The following GABRB3 variants were observed in gnomAD, a reference collection of about 807,000 sequenced individuals.
GABRB3 encodes gamma-aminobutyric acid type A receptor subunit beta3, also known as gamma-aminobutyric acid receptor subunit beta-3.
Under a neutral mutation model 52.1 loss-of-function variants are expected in GABRB3, and 14 were observed. The ratio of observed to expected loss-of-function variants is 0.27; its 90% CI spans 0.18 to 0.42. The LOEUF is 0.42. Among genes scored for constraint, GABRB3 ranks in the 10% least tolerant of loss-of-function variants. GABRB3 has a pLI of 1.00. For missense variants in GABRB3, 307 were observed against 609.1 expected (o/e 0.50, Z 5.22); for synonymous variants, 260 against 232.3 (o/e 1.12, Z -1.08).
At chr15:26,606,608 C>T (rs1363931832) in intron 4 of GABRB3, among the ~76,000 whole-genome samples, 1 of 151,964 alleles carries the variant, frequency 6.6e-6, no homozygotes, top group East Asian at 1.9e-4. Flanking sequence ...GCTATGCCTA[C>T]TTTTACCACT....
intron 6 of GABRB3, among the ~76,000 whole-genome samples, chr15:26,574,672 T>C (rs935011944): frequency 3.3e-5 from 5 of 152,148 alleles, no homozygotes; most frequent in Admixed American, 2.0e-4. Flanking sequence ...TCCACTGATA[T>C]GAAATGTACT....
intron 4 of GABRB3, chr15:26,615,384 G>A (rs1892217606): frequency 1.0e-6 from 1 of 985,596 alleles, no homozygotes; most frequent in Non-Finnish European, 1.2e-6. Flanking sequence ...AGCTGGTGCA[G>A]GGATCTCAGT....
chr15:26,648,758 G>A (rs1251477635), intron 3 of GABRB3, among the ~76,000 whole-genome samples: 1 of 152,236 alleles, frequency 6.6e-6, no homozygotes, highest in Non-Finnish European at 1.5e-5. Context: ...AGCAGGGCGA[G>A]GCAGGAGACA....
chr15:26,567,858 C>T (rs1490539463), intron 6 of GABRB3, 125 bp from the exon 7 acceptor site: 6 of 893,992 alleles, frequency 6.7e-6, no homozygotes, highest in Non-Finnish European at 1.1e-5. Flanking sequence ...TGACCCACCA[C>T]CAAGCAGTTT....
At chr15:26,556,901 G>A (rs1889773614) in intron 8 of GABRB3, among the ~76,000 whole-genome samples, 1 of 151,952 alleles carries the variant, frequency 6.6e-6, no homozygotes, top group African/African-American at 2.4e-5. Flanking sequence ...AGTCCCTGCT[G>A]TGGAGCCAGC....
chr15:26,543,564 T>G lies in GABRB3; in HGVS notation c.*4229A>C, dbSNP rs1213416131. ...CTTCACATTTAGGTCAGTTACTCCT[T>G]TTTTAATAAATTTGAATTCATTCAT... On this transcript the variant is annotated 3_prime_UTR_variant, in exon 9 of 9. Coordinates refer to ENST00000311550, the MANE Select transcript of GABRB3 (RefSeq NM_000814.6). 6.6e-6 allele frequency: 1 copy of G among 152,638 alleles called. No homozygotes were observed. Among genetic ancestry groups the G allele is most frequent in the Non-Finnish European group, 1.5e-5 (1 of 68,034 alleles). 9.5% of individuals were successfully genotyped at this position (152,638 alleles called of 1,614,324 possible).
intron 3 of GABRB3, among the ~76,000 whole-genome samples, chr15:26,734,116 G>A (rs1483425137): frequency 4.5e-5 from 6 of 133,072 alleles, no homozygotes; most frequent in Non-Finnish European, 7.7e-5. Context: ...CACAACCTCC[G>A]CCTCCTGGGT....
intron 3 of GABRB3, among the ~76,000 whole-genome samples, chr15:26,691,822 T>C (rs1372103682): frequency 1.3e-5 from 2 of 152,190 alleles, no homozygotes; most frequent in African/African-American, 4.8e-5. Context: ...CTCAATAATC[T>C]GCCCCACAAC....
intron 3 of GABRB3, among the ~76,000 whole-genome samples, chr15:26,735,999 T>A (rs1218599248): frequency 2.0e-5 from 3 of 146,900 alleles, no homozygotes; most frequent in African/African-American, 7.6e-5. Context: ...ATATCCTATA[T>A]AATTCCATTT....
intron 6 of GABRB3, among the ~76,000 whole-genome samples, chr15:26,579,674 G>A (rs1176883284): frequency 1.3e-5 from 2 of 152,202 alleles, no homozygotes; most frequent in African/African-American, 2.4e-5. Flanking sequence ...AGTAAGCACA[G>A]TCAGCACTGC....
At chr15:26,758,571 G>A (rs910800000) in intron 3 of GABRB3, among the ~76,000 whole-genome samples, 1 of 152,114 alleles carries the variant, frequency 6.6e-6, no homozygotes, top group Non-Finnish European at 1.5e-5. Context: ...GAGAACCAGT[G>A]CAGGACAATC....
intron 3 of GABRB3, among the ~76,000 whole-genome samples, chr15:26,765,734 C>T (rs1486412679): frequency 6.6e-6 from 1 of 152,148 alleles, no homozygotes; most frequent in East Asian, 1.9e-4. Context: ...CAAACAACCA[C>T]ACCCAAAGAA....
Position 26,571,829 on chromosome 15 carries a change from C to G in GABRB3, c.683-4096G>C, listed in dbSNP as rs146634511. On this transcript the variant is annotated intron_variant, in intron 6 of 8. Transcript: ENST00000311550. ...CTTTGGGAAGTCAAGGCAGGTGAATCGCGAGGTCAAGAGATCGAGACCATC... is the reference window on the plus strand; with the variant it reads ...CTTTGGGAAGTCAAGGCAGGTGAATGGCGAGGTCAAGAGATCGAGACCATC... Among the ~76,000 whole-genome samples, 268 of 152,116 alleles carry G rather than the reference C, an allele frequency of 1.8e-3. 1 individual carries two copies. Among genetic ancestry groups the G allele is most frequent in the African/African-American group, 6.3e-3 (260 of 41,512 alleles).
chr15:26,577,007 T>C (rs1418796733), intron 6 of GABRB3, among the ~76,000 whole-genome samples: 2 of 152,128 alleles, frequency 1.3e-5, no homozygotes, highest in Non-Finnish European at 2.9e-5. Context: ...CAAAAGAGCA[T>C]TTCCAGCATG....
chr15:26,560,972 G>T lies in GABRB3; in HGVS notation c.1040C>A (p.Ala347Asp). 1 of 1,614,082 alleles carries T rather than the reference G, an allele frequency of 6.2e-7. No homozygotes were observed. The highest frequency in any genetic ancestry group is 1.7e-5 in the Admixed American group (1 of 60,024). ...QRQKKLAEKT[A>D]KAKNDRSKSE... is the part of the protein sequence containing the mutation. ...CTTTGAACGGTCATTCTTTGCCTTG[G>T]CTGTCTTTTCTGCAAGCTTCTTCTG... The change falls in exon 8 of 9, where the codon GCC becomes GAC. Residue 347 changes from alanine (A) to aspartate (D), a missense_variant. Around this residue, in one of 6 missense-constraint regions of GABRB3, gnomAD observed 115 missense variants for 166.9 expected, o/e 0.69. Coordinates refer to ENST00000311550, the MANE Select transcript of GABRB3 (RefSeq NM_000814.6).
intron 7 of GABRB3, among the ~76,000 whole-genome samples, chr15:26,562,509 G>C (rs1890027888): frequency 6.6e-6 from 1 of 152,236 alleles, no homozygotes; most frequent in African/African-American, 2.4e-5. Context: ...GGTAGTGCCA[G>C]CCCTACATTT....
intron 3 of GABRB3, among the ~76,000 whole-genome samples, chr15:26,758,872 T>C (rs1195200323): frequency 6.6e-6 from 1 of 152,216 alleles, no homozygotes; most frequent in African/African-American, 2.4e-5. Flanking sequence ...ACTTATTTAC[T>C]CTCTTTACAT....
intron 4 of GABRB3, among the ~76,000 whole-genome samples, chr15:26,596,685 T>A (rs1891406813): frequency 6.6e-6 from 1 of 152,180 alleles, no homozygotes; most frequent in Non-Finnish European, 1.5e-5. Flanking sequence ...TGATTCATGT[T>A]AGGACAAAAC....
In GABRB3 at chr15:26,612,163, G is replaced by A. The variant is rs1042530216; in HGVS notation, c.461+9151C>T. ...AAAGTGCAGCTCATCCTTCATGGTG[G>A]GCCACAAGAAGCACCCATTGCAATG... is the stretch of plus-strand genomic sequence containing the variant. On this transcript the variant is annotated intron_variant, in intron 4 of 8. Transcript: ENST00000311550. 2.4e-4 allele frequency: 36 copies of A among 152,142 alleles called. 1 individual carries two copies. The Middle Eastern group carries it at 0.014, about 57-fold the overall frequency. The allele number at this position is 152,142 out of a possible 1,614,324, so 9.4% of individuals were successfully genotyped here.
Sources: gnomAD v4.1 joint callset for allele counts (sites outside exome capture counted in the v4.1 genomes callset) on GRCh38, gnomAD v4.1.1 for gene constraint, gnomAD v4.1.1 regional missense constraint, MANE v1.5 for transcripts, NCBI Gene and HGNC (gene_info 2026-07-23, HGNC 2026-07-21) for gene names.